Variants in RAD51B observed in about 807,000 individuals in gnomAD.
RAD51B encodes RAD51 paralog B, also known as DNA repair protein RAD51 homolog 2.
A neutral mutation model predicts 42.2 loss-of-function variants in RAD51B; 38 were observed. The ratio of observed to expected loss-of-function variants is 0.90; its 90% confidence interval spans 0.70 to 1.18. The LOEUF (loss-of-function observed/expected upper bound fraction) is 1.18. Among genes scored for constraint, RAD51B ranks in the 50% most tolerant of loss-of-function variants. The pLI is 0.00. For missense variants in RAD51B, 373 were observed against 400.7 expected (o/e 0.93, Z 0.59); for synonymous variants, 154 against 145.2 (o/e 1.06, Z -0.43).
At chr14:68,219,046 C>T (rs1176711730) in intron 7 of RAD51B, among the ~76,000 whole-genome samples, 1 of 152,170 alleles carries the variant, frequency 6.6e-6, no homozygotes, top group Non-Finnish European at 1.5e-5. Context: ...TAGGGAAAAC[C>T]TGCAAAATAC....
intron 7 of RAD51B, among the ~76,000 whole-genome samples, chr14:68,092,603 C>T (rs541747482): frequency 7.9e-5 from 12 of 152,036 alleles, no homozygotes; most frequent in East Asian, 1.9e-4. Flanking sequence ...TTTTGGGTTG[C>T]GACGATGGGG....
chr14:68,601,814 A>G (rs1376664639), intron 10 of RAD51B, among the ~76,000 whole-genome samples: 1 of 152,150 alleles, frequency 6.6e-6, no homozygotes, highest in Non-Finnish European at 1.5e-5. Context: ...TTTCTGGAAC[A>G]TGACACTGGT....
At chr14:67,868,164 T>C (rs1192772183) in intron 5 of RAD51B, among the ~76,000 whole-genome samples, 2 of 152,160 alleles carry the variant, frequency 1.3e-5, no homozygotes, top group East Asian at 3.9e-4. Flanking sequence ...TGCATTTCCA[T>C]CTGAGGTACC....
In RAD51B at chr14:68,390,400, A is replaced by C. The variant is rs190149367; in HGVS notation, c.854-21024A>C. Among the ~76,000 whole-genome samples, 33 of 152,368 alleles carry C rather than the reference A, an allele frequency of 2.2e-4. 1 individual carries two copies. The highest frequency in any genetic ancestry group is 1.8e-3 in the Admixed American group (27 of 15,312). ...TTGGGGTCTTCATCCTTACCCATTT[A>C]GGATTGTATCTATTGGCATATGCCA... On this transcript the variant is annotated intron_variant, in intron 8 of 10. Transcript: ENST00000471583.
intron 9 of RAD51B, among the ~76,000 whole-genome samples, chr14:68,424,112 T>C (rs1427460732): frequency 6.6e-6 from 1 of 152,224 alleles, no homozygotes; most frequent in Non-Finnish European, 1.5e-5. Flanking sequence ...AGTAAGAACC[T>C]AAGGGCCCAG....
intron 7 of RAD51B, among the ~76,000 whole-genome samples, chr14:68,268,095 C>T (rs1443470888): frequency 6.6e-6 from 1 of 152,180 alleles, no homozygotes; most frequent in Non-Finnish European, 1.5e-5. Context: ...TAACATTTCT[C>T]CTTGAGCAGC....
chr14:68,560,384 G>T (rs950800658), intron 10 of RAD51B, among the ~76,000 whole-genome samples: 1 of 152,152 alleles, frequency 6.6e-6, no homozygotes. Context: ...CACCTGGGAG[G>T]TCTTTTATTA....
At chr14:68,298,190 A>G (rs1376398707) in intron 8 of RAD51B, among the ~76,000 whole-genome samples, 3 of 151,950 alleles carry the variant, frequency 2.0e-5, no homozygotes, top group Non-Finnish European at 2.9e-5. Context: ...ATATTATGTG[A>G]GTAGGGGAGG....
At chr14:68,633,304 G>A (rs1307006668) in intron 10 of RAD51B, among the ~76,000 whole-genome samples, 1 of 152,038 alleles carries the variant, frequency 6.6e-6, no homozygotes, top group Non-Finnish European at 1.5e-5. Context: ...GCTGTGATCG[G>A]GACATGTCTG....
At chr14:68,495,339 G>A (rs1884423601) in intron 10 of RAD51B, among the ~76,000 whole-genome samples, 2 of 152,102 alleles carry the variant, frequency 1.3e-5, no homozygotes, top group African/African-American at 2.4e-5. Context: ...TGGCGCAACC[G>A]AGAGAGGATT....
intron 7 of RAD51B, among the ~76,000 whole-genome samples, chr14:67,943,190 C>A (rs1170452784): frequency 6.6e-6 from 1 of 151,988 alleles, no homozygotes; most frequent in Non-Finnish European, 1.5e-5. Context: ...TGTTTGTGTA[C>A]TAATAGTGTT....
At chr14:68,267,301 AAAAACATACCTC>A (rs1490692573) in intron 7 of RAD51B, among the ~76,000 whole-genome samples, 1 of 152,232 alleles carries the variant, frequency 6.6e-6, no homozygotes, top group Non-Finnish European at 1.5e-5. Flanking sequence ...CGCAGATATT[AAAAACATACCTC>A]AATTTGCACA....
At chr14:68,244,177 A>G (rs1342767834) in intron 7 of RAD51B, among the ~76,000 whole-genome samples, 1 of 152,152 alleles carries the variant, frequency 6.6e-6, no homozygotes, top group Non-Finnish European at 1.5e-5. Context: ...CCTACCTACT[A>G]TATAAGATAT....
At chr14:68,484,727 G>C (rs1457279272) in intron 10 of RAD51B, among the ~76,000 whole-genome samples, 1 of 150,458 alleles carries the variant, frequency 6.6e-6, no homozygotes, top group Admixed American at 6.6e-5. Flanking sequence ...TACTGTTAAG[G>C]ATATAGGTGG....
intron 7 of RAD51B, among the ~76,000 whole-genome samples, chr14:68,109,674 A>G (rs1045448804): frequency 5.9e-5 from 9 of 151,964 alleles, no homozygotes; most frequent in African/African-American, 1.7e-4. Flanking sequence ...ATAGATAGCA[A>G]GGAGCCATGG....
intron 7 of RAD51B, among the ~76,000 whole-genome samples, chr14:68,277,824 C>T (rs777453077): frequency 2.6e-5 from 4 of 152,200 alleles, no homozygotes; most frequent in Non-Finnish European, 4.4e-5. Context: ...CTGCAACCTC[C>T]GTCTCCCAGG....
At chr14:68,613,514 C>T (rs1891754258), downstream of RAD51B, among the ~76,000 whole-genome samples, 1 of 149,428 alleles carries the variant, frequency 6.7e-6, no homozygotes, top group African/African-American at 2.5e-5. Context: ...AGTGCAGTGG[C>T]ACGATCTCAG....
chr14:68,605,617 GCT>G (rs144708459), intron 10 of RAD51B, among the ~76,000 whole-genome samples: 1 of 152,082 alleles, frequency 6.6e-6, no homozygotes, highest in Admixed American at 6.5e-5. Context: ...CTGCACATGT[GCT>G]CTCTCTCTCT....
rs186629790 is a variant in RAD51B, at chr14:68,497,121, C to A, written c.1036+28871C>A. 123 of 1,389,002 alleles carry A rather than the reference C, an allele frequency of 8.9e-5. 1 individual carries two copies. The South Asian group carries it at 1.1e-3, about 12-fold the overall frequency. The allele number at this position is 1,389,002 out of a possible 1,614,324, so 86.0% of individuals were successfully genotyped here. A position where few individuals can be genotyped will look rare whatever the true frequency, so the allele number is the denominator to read the frequency against. On this transcript the variant is annotated intron_variant, in intron 10 of 10. Transcript: ENST00000487270. ...GACACTCATGTTCTTTTTCTTCTTG[C>A]AGCCTATGGAAATTCCTAGAGACAG...
Sources: gnomAD v4.1 joint callset for allele counts (sites outside exome capture counted in the v4.1 genomes callset) on GRCh38, gnomAD v4.1.1 for gene constraint, MANE v1.5 for transcripts, NCBI Gene and HGNC (gene_info 2026-07-23, HGNC 2026-07-21) for gene names.